Variants in KIAA1549L observed in about 807,000 individuals in gnomAD.
KIAA1549L encodes the protein KIAA1549 like.
Under a neutral mutation model 160.7 loss-of-function variants are expected in KIAA1549L, and 88 were observed. The observed-to-expected ratio is 0.55, with a 90% CI of 0.46 to 0.65. The LOEUF (loss-of-function observed/expected upper bound fraction) is 0.65, where lower values mean the gene tolerates loss of function less well. KIAA1549L is among the 30% of genes least tolerant of loss of function. KIAA1549L has a pLI of 0.00. For missense variants in KIAA1549L, 2,258 were observed against 2,437.5 expected (o/e 0.93, Z 1.55); for synonymous variants, 950 against 976.7 (o/e 0.97, Z 0.51).
rs970825647 is a variant in KIAA1549L at position 33,433,031 on chromosome 11, C to A, written c.238+56142C>A. 4.6e-5 allele frequency among the ~76,000 whole-genome samples: 7 copies of A among 152,318 alleles called. 1 individual carries two copies. The highest frequency in any genetic ancestry group is 1.7e-4 in the African/African-American group (7 of 41,578). On this transcript the variant is annotated intron_variant, in intron 1 of 20. Transcript: ENST00000658780. ...TTCAGGACATAGGCATGGGCAAAGACTTCATGACAAAAACGCCAAAAGCAA... is the reference window on the plus strand; with the variant it reads ...TTCAGGACATAGGCATGGGCAAAGAATTCATGACAAAAACGCCAAAAGCAA...
At chr11:33,495,388 G>A (rs1185339609) in intron 1 of KIAA1549L, among the ~76,000 whole-genome samples, 1 of 146,872 alleles carries the variant, frequency 6.8e-6, no homozygotes, top group Non-Finnish European at 1.5e-5. Context: ...TTGGTTTTTT[G>A]TTCTTGCAAT....
chr11:33,633,077 G>A (rs1851342619), intron 16 of KIAA1549L, among the ~76,000 whole-genome samples: 1 of 150,444 alleles, frequency 6.6e-6, no homozygotes, highest in Admixed American at 6.6e-5. Flanking sequence ...CTGGGTTCAG[G>A]CGATTCTCCT....
chr11:33,461,250 A>G (rs929145321), intron 1 of KIAA1549L, among the ~76,000 whole-genome samples: 1 of 152,166 alleles, frequency 6.6e-6, no homozygotes, highest in African/African-American at 2.4e-5. Flanking sequence ...AGGCTGGCGT[A>G]ATGGTATCTA....
chr11:33,509,285 A>G (rs1380901430), intron 1 of KIAA1549L, among the ~76,000 whole-genome samples: 1 of 152,084 alleles, frequency 6.6e-6, no homozygotes, highest in East Asian at 1.9e-4. Flanking sequence ...TCTAGACCAC[A>G]CTTCTGTTTT....
intron 1 of KIAA1549L, among the ~76,000 whole-genome samples, chr11:33,442,934 G>T (rs371262463): frequency 6.6e-6 from 1 of 151,970 alleles, no homozygotes; most frequent in Non-Finnish European, 1.5e-5. Context: ...TATGTCCTTG[G>T]CTATGTCTGA....
chr11:33,658,671 T>G (rs1590455304), intron 18 of KIAA1549L, 79 bp from the exon 19 acceptor site: 2 of 1,446,284 alleles, frequency 1.4e-6, no homozygotes. Context: ...TGCCCAAAGG[T>G]GACGGGGCGC....
In KIAA1549L at chr11:33,521,821, A is replaced by G. The variant is rs189072218; in HGVS notation, c.239-19981A>G. ...CAGACATCTTGATACTCTGTTGCTA[A>G]TCACAGATTGGTCTGAAGGAGAATG... On this transcript the variant is annotated intron_variant, in intron 1 of 20. Coordinates refer to ENST00000658780, the MANE Select transcript of KIAA1549L (RefSeq NM_012194.3). Among the ~76,000 whole-genome samples, 181 of 152,336 alleles carry G rather than the reference A, an allele frequency of 1.2e-3. No homozygotes were observed. In the South Asian group the frequency reaches 0.025, roughly 21 times the overall value.
chr11:33,548,243 A>G (rs182009375), intron 4 of KIAA1549L, among the ~76,000 whole-genome samples: 252 of 152,262 alleles, frequency 1.7e-3, no homozygotes, highest in Non-Finnish European at 2.8e-3. Flanking sequence ...TACTAAAAAT[A>G]CAAAAATTAG....
chr11:33,432,432 G>A (rs569274999), intron 1 of KIAA1549L, among the ~76,000 whole-genome samples: 99 of 152,274 alleles, frequency 6.5e-4, no homozygotes, highest in African/African-American at 2.3e-3. Flanking sequence ...TTCTTAAATG[G>A]ATATGGGTTT....
chr11:33,528,589 CCAA>C (rs1853667282), intron 1 of KIAA1549L, among the ~76,000 whole-genome samples: 1 of 152,124 alleles, frequency 6.6e-6, no homozygotes, highest in African/African-American at 2.4e-5. Flanking sequence ...TGCCCATCAA[CCAA>C]TGAGTGGATA....
intron 1 of KIAA1549L, among the ~76,000 whole-genome samples, chr11:33,534,860 C>T (rs1243405148): frequency 1.3e-5 from 2 of 152,186 alleles, no homozygotes; most frequent in Non-Finnish European, 2.9e-5. Context: ...TTCCTACTCT[C>T]CTGCTTCACC....
chr11:33,426,666 TTAA>T (rs1476910074), intron 1 of KIAA1549L, among the ~76,000 whole-genome samples: 1 of 152,206 alleles, frequency 6.6e-6, no homozygotes, highest in Non-Finnish European at 1.5e-5. Flanking sequence ...ACCATTAATC[TTAA>T]TAATATTTTT....
chr11:33,498,521 T>A (rs1852871966), intron 1 of KIAA1549L, among the ~76,000 whole-genome samples: 1 of 152,232 alleles, frequency 6.6e-6, no homozygotes, highest in Admixed American at 6.5e-5. Flanking sequence ...GGTTCCACTA[T>A]GTTGCTAACT....
intron 1 of KIAA1549L, among the ~76,000 whole-genome samples, chr11:33,531,471 T>C (rs1356303756): frequency 6.6e-6 from 1 of 151,880 alleles, no homozygotes; most frequent in Non-Finnish European, 1.5e-5. Context: ...AGACTCTGTC[T>C]CAAAAAAATA....
Position 33,598,932 on chromosome 11 carries a change from G to T in KIAA1549L, c.4864G>T (p.Ala1622Ser). Reference sequence around the variant, plus strand: ...ACAGCAGAAAGTGACAAAGGAGGAGGCAAGGAAGAGAAATGGTGAGAAGCC... The same window carrying T: ...ACAGCAGAAAGTGACAAAGGAGGAGTCAAGGAAGAGAAATGGTGAGAAGCC... ...MAQQKVTKEE[A>S]RKRNVPASDE... Residue 1622 changes from alanine to serine, a missense_variant, in exon 13 of 21, where the codon GCA becomes TCA. Physicochemically the swap from Ala to Ser is moderately conservative, Grantham distance 99 (BLOSUM62 1). This residue lies in a region of KIAA1549L where 1,359 missense variants were observed against 1,546.6 expected (regional missense o/e 0.88). Coordinates refer to ENST00000658780, the MANE Select transcript of KIAA1549L (RefSeq NM_012194.3). The T allele has an allele frequency of 6.2e-7, 1 of 1,613,496 alleles. No homozygotes were observed. The highest frequency in any genetic ancestry group is 8.5e-7 in the Non-Finnish European group (1 of 1,179,702).
At chr11:33,458,853 G>T (rs1851882998) in intron 1 of KIAA1549L, among the ~76,000 whole-genome samples, 1 of 152,198 alleles carries the variant, frequency 6.6e-6, no homozygotes, top group Non-Finnish European at 1.5e-5. Flanking sequence ...TGTCCCCCCT[G>T]GGAAGCTCTG....
At chr11:33,611,115 C>T (rs182317890) in intron 15 of KIAA1549L, among the ~76,000 whole-genome samples, 1 of 152,326 alleles carries the variant, frequency 6.6e-6, no homozygotes. Flanking sequence ...TTCACATGCA[C>T]GGTCAAAGGC....
At chr11:33,639,689 G>T (rs555974076) in intron 16 of KIAA1549L, among the ~76,000 whole-genome samples, 1 of 152,114 alleles carries the variant, frequency 6.6e-6, no homozygotes, top group African/African-American at 2.4e-5. Flanking sequence ...ACAGGCGCGC[G>T]CTACCTCGCC....
At chr11:33,583,907 C>G (rs1855726954) in intron 11 of KIAA1549L, among the ~76,000 whole-genome samples, 1 of 152,206 alleles carries the variant, frequency 6.6e-6, no homozygotes, top group South Asian at 2.1e-4. Flanking sequence ...AGTAGCAGAA[C>G]TGATGGTAGA....
Sources: gnomAD v4.1 joint callset for allele counts (sites outside exome capture counted in the v4.1 genomes callset) on GRCh38, gnomAD v4.1.1 for gene constraint, gnomAD v4.1.1 regional missense constraint, MANE v1.5 for transcripts, NCBI Gene and HGNC (gene_info 2026-07-23, HGNC 2026-07-21) for gene names.